Variants in COL7A1 observed in about 807,000 individuals in gnomAD.
The protein encoded by COL7A1 is collagen alpha-1(VII) chain.
A neutral mutation model predicts 456.2 loss-of-function variants in COL7A1; 296 were observed. That is an observed-to-expected ratio of 0.65 (90% CI 0.59 to 0.71). The LOEUF (loss-of-function observed/expected upper bound fraction) is 0.71. Among genes scored for constraint, COL7A1 ranks in the 30% least tolerant of loss-of-function variants. The pLI, the probability that COL7A1 is intolerant of heterozygous loss-of-function variation, is 0.00. For missense variants in COL7A1, 3,441 were observed against 4,017.2 expected, an observed-to-expected ratio of 0.86 and a Z score of 3.88; for synonymous variants, 1,464 against 1,525.9, an observed-to-expected ratio of 0.96 and a Z score of 0.95.
rs768825668 is a variant in COL7A1, at chr3:48,574,564, G to A, written c.6394-14C>T. On this transcript the variant is annotated splice_polypyrimidine_tract_variant and intron_variant, in intron 78 of 118. Coordinates refer to ENST00000681320, the MANE Select transcript of COL7A1 (RefSeq NM_000094.4). This position sits in a 1 kb window ranked among gnomAD's most constrained non-coding sequence, Gnocchi z 5.0. ...GCCTGGCACACCCTGAAGGCAGAGTGTCGTGCCCTGAGCCCCCAGTCCCTG... is the reference window on the plus strand; with the variant it reads ...GCCTGGCACACCCTGAAGGCAGAGTATCGTGCCCTGAGCCCCCAGTCCCTG... The A allele has an allele frequency of 3.7e-6, 6 of 1,613,768 alleles. No homozygotes were observed. The Admixed American group carries it at 6.7e-5, about 18-fold the overall frequency.
intron 67 of COL7A1, 44 bp downstream of exon 67, chr3:48,576,840 G>A (rs1389424065): frequency 1.2e-6 from 2 of 1,613,688 alleles, no homozygotes; most frequent in Non-Finnish European, 1.7e-6. Context: ...TTCCCCCAGG[G>A]TCAGGGTCAG....
chr3:48,592,843 T>A lies in COL7A1; in HGVS notation c.778A>T (p.Thr260Ser), dbSNP rs780970538. The A allele has an allele frequency of 6.2e-7, 1 of 1,613,914 alleles. No individual in the cohort carries two copies. Among genetic ancestry groups the A allele is most frequent in the Admixed American group, 1.7e-5 (1 of 60,026 alleles). ...VQWTAASGPV[T>S]GYKVQYTPLT... Reference sequence around the variant, plus strand: ...GGAGTGTACTGGACCTTGTAGCCAGTCACAGGGCCACTGGCCGCTGTCCAC... The same window carrying A: ...GGAGTGTACTGGACCTTGTAGCCAGACACAGGGCCACTGGCCGCTGTCCAC... Residue 260 changes from threonine (T) to serine (S), a missense_variant, in exon 7 of 119, where the codon ACT (threonine) becomes TCT (serine). Transcript: ENST00000681320. This position sits in a 1 kb window ranked among gnomAD's most constrained non-coding sequence, Gnocchi z 7.6.
At position 48,570,749 on chromosome 3, in the gene COL7A1, TG is replaced by T. The variant is rs2043862443; in HGVS notation, c.7273-40del. ...GGGGCAAGAGAGGCAGAGAGTGACTTGGGAACCCTCCTACCCTCTGCCCCCT... is the reference window on the plus strand; with the variant it reads ...GGGGCAAGAGAGGCAGAGAGTGACTTGGAACCCTCCTACCCTCTGCCCCCT... On this transcript the variant is annotated intron_variant, in intron 95 of 118. Transcript: ENST00000681320. The surrounding 1 kb of genome is among the most constrained non-coding windows in gnomAD (Gnocchi z 5.5). The T allele has an allele frequency of 1.3e-6, 2 of 1,559,100 alleles. No individual in the cohort carries two copies. The highest frequency in any genetic ancestry group is 1.9e-5 in the Admixed American group (1 of 52,350).
chr3:48,579,130 G>C lies in COL7A1; in HGVS notation c.5388+67C>G. On this transcript the variant is annotated intron_variant, in intron 62 of 118. Transcript: ENST00000681320. This position sits in a 1 kb window ranked among gnomAD's most constrained non-coding sequence, Gnocchi z 4.4. ...AAGGCCAAGACCAACCAATGAGGCT[G>C]GGGTCTAGGGTCCTCATGTGAAGGG... 1 of 1,578,700 alleles carries C rather than the reference G, an allele frequency of 6.3e-7. No homozygotes were observed. Among genetic ancestry groups the C allele is most frequent in the South Asian group, 1.1e-5 (1 of 90,242 alleles).
At position 48,584,503 on chromosome 3, in the gene COL7A1, T is replaced by C; in HGVS notation, c.4101A>G (p.Lys1367=). The C allele has an allele frequency of 6.2e-7, 1 of 1,614,024 alleles. No homozygotes were observed. Among genetic ancestry groups the C allele is most frequent in the South Asian group, 1.1e-5 (1 of 91,088 alleles). Reference sequence around the variant, plus strand: ...CACTTACCGATGGTCCAGGGTCCCCTTTCCGCCCAGGAAGCCCAGGTCCTT... The same window carrying C: ...CACTTACCGATGGTCCAGGGTCCCCCTTCCGCCCAGGAAGCCCAGGTCCTT... ...GGEGPGLPGR[K]GDPGPSGPPG... is the part of the protein sequence containing the mutation. The change falls in exon 36 of 119, where the codon AAA becomes AAG. Residue 1367 remains lysine, a synonymous_variant. Transcript: ENST00000681320.
At position 48,580,865 on chromosome 3, in the gene COL7A1, T is replaced by G; in HGVS notation, c.4980+17A>C. ...CACCTCCCATCACCCCTGTTACTTC[T>G]CTCTGCCAAGACTCACCCGAAGGCC... is the stretch of plus-strand genomic sequence containing the variant. On this transcript the variant is annotated intron_variant, in intron 54 of 118. Transcript: ENST00000681320. The surrounding 1 kb of genome is among the most constrained non-coding windows in gnomAD (Gnocchi z 4.5). The G allele has an allele frequency of 6.2e-7, 1 of 1,613,966 alleles. No individual in the cohort carries two copies. Among genetic ancestry groups the G allele is most frequent in the Non-Finnish European group, 8.5e-7 (1 of 1,180,006 alleles).
In COL7A1 at chr3:48,578,827, C is replaced by T; in HGVS notation, c.5424+92G>A. 6 of 1,374,800 alleles carry T rather than the reference C, an allele frequency of 4.4e-6. No individual in the cohort carries two copies. Among genetic ancestry groups the T allele is most frequent in the Non-Finnish European group, 4.0e-6 (4 of 1,011,392 alleles). The allele number at this position is 1,374,800 out of a possible 1,614,324, so 85.2% of individuals were successfully genotyped here. A position where few individuals can be genotyped will look rare whatever the true frequency, so the allele number is the denominator to read the frequency against. On this transcript the variant is annotated intron_variant, in intron 63 of 118. Coordinates refer to ENST00000681320, the MANE Select transcript of COL7A1 (RefSeq NM_000094.4). This position sits in a 1 kb window ranked among gnomAD's most constrained non-coding sequence, Gnocchi z 4.7. ...CAAAGGCAAGGCTGAACCGACCCCCCACCAACTCTCTCGGATGCTGTGACT... is the reference window on the plus strand; with the variant it reads ...CAAAGGCAAGGCTGAACCGACCCCCTACCAACTCTCTCGGATGCTGTGACT...
chr3:48,578,667 A>G lies in COL7A1; in HGVS notation c.5425-152T>C, dbSNP rs2107693077. ...TTGAGATCCCTCAGGCACAGACCCCATGGATGGGGGCCCCTGCTGAGACTC... is the reference window on the plus strand; with the variant it reads ...TTGAGATCCCTCAGGCACAGACCCCGTGGATGGGGGCCCCTGCTGAGACTC... On this transcript the variant is annotated intron_variant, in intron 63 of 118. Transcript: ENST00000681320. The surrounding 1 kb of genome is among the most constrained non-coding windows in gnomAD (Gnocchi z 4.7). 2.0e-6 allele frequency: 2 copies of G among 1,013,006 alleles called. No individual in the cohort carries two copies. The highest frequency in any genetic ancestry group is 3.0e-5 in the South Asian group (2 of 66,952). 62.8% of individuals were successfully genotyped at this position (1,013,006 alleles called of 1,614,324 possible). A position where few individuals can be genotyped will look rare whatever the true frequency, so the allele number is the denominator to read the frequency against.
Position 48,584,718 on chromosome 3 carries a change from T to G in COL7A1, c.4047+16A>C, listed in dbSNP as rs900508547. 6 of 1,613,844 alleles carry G rather than the reference T, an allele frequency of 3.7e-6. No homozygotes were observed. The highest frequency in any genetic ancestry group is 2.2e-5 in the East Asian group (1 of 44,878). ...CCCTGGGACATCCCGGCCGCCTCCCTTCCCCCTTCACCTACCGGCTCCCCC... is the reference window on the plus strand; with the variant it reads ...CCCTGGGACATCCCGGCCGCCTCCCGTCCCCCTTCACCTACCGGCTCCCCC... On this transcript the variant is annotated intron_variant, in intron 35 of 118. Transcript: ENST00000681320.
chr3:48,587,073 G>A lies in COL7A1; in HGVS notation c.3175C>T (p.Pro1059Ser). The change falls in exon 25 of 119, where the codon CCA becomes TCA. Residue 1059 changes from proline (P) to serine (S), a missense_variant. This residue lies in a region of COL7A1 where 444 missense variants were observed against 427.6 expected (regional missense o/e 1.04). Transcript: ENST00000681320. The surrounding 1 kb of genome is among the most constrained non-coding windows in gnomAD (Gnocchi z 6.1). ...PRGLADVVFL[P>S]HATQDNAHRA... ...TGAGCATTGTCTTGAGTGGCATGTG[G>A]TAGGAACACCACATCCGCCAGGCCA... is the stretch of plus-strand genomic sequence containing the variant. 6.2e-7 allele frequency: 1 copy of A among 1,611,470 alleles called. No homozygotes were observed. The highest frequency in any genetic ancestry group is 8.5e-7 in the Non-Finnish European group (1 of 1,178,936).
In COL7A1 at chr3:48,575,309, C is replaced by T. The variant is rs1460222873; in HGVS notation, c.6180+30G>A. The stretch of plus-strand genomic sequence containing the variant: ...TCCCACCCCTCCCAACCCCTCTTCC[C>T]TCACTCTCCTGGCCAGCCCCCAGCC... On this transcript the variant is annotated intron_variant, in intron 74 of 118. Transcript: ENST00000681320. This position sits in a 1 kb window ranked among gnomAD's most constrained non-coding sequence, Gnocchi z 6.3. 2 of 1,613,042 alleles carry T rather than the reference C, an allele frequency of 1.2e-6. No individual in the cohort carries two copies. The highest frequency in any genetic ancestry group is 1.7e-5 in the Admixed American group (1 of 60,018).
In COL7A1 at chr3:48,573,638, C is replaced by T; in HGVS notation, c.6573+52G>A. ...CCTGGCTCATCAGCTGTGGCCAATG[C>T]CTATCCCAGCCCTTCCAGACCCTCA... On this transcript the variant is annotated intron_variant, in intron 82 of 118. Transcript: ENST00000681320. The surrounding 1 kb of genome is among the most constrained non-coding windows in gnomAD (Gnocchi z 5.5). The T allele has an allele frequency of 6.2e-7, 1 of 1,612,992 alleles. No individual in the cohort carries two copies. Among genetic ancestry groups the T allele is most frequent in the African/African-American group, 1.3e-5 (1 of 75,008 alleles).
At position 48,567,088 on chromosome 3, in the gene COL7A1, A is replaced by ACC. The variant is rs745693541; in HGVS notation, c.8109+39_8109+40insGG. On this transcript the variant is annotated intron_variant, in intron 110 of 118. Coordinates refer to ENST00000681320, the MANE Select transcript of COL7A1 (RefSeq NM_000094.4). This position sits in a 1 kb window ranked among gnomAD's most constrained non-coding sequence, Gnocchi z 4.3. ...AGAGATGGACCCTCTCCCAAAGTGCACGCTCCCCTCAATTCACCATGACCA... is the reference window on the plus strand; with the variant it reads ...AGAGATGGACCCTCTCCCAAAGTGCACCCGCTCCCCTCAATTCACCATGACCA... The ACC allele has an allele frequency of 6.2e-7, 1 of 1,613,050 alleles. No homozygotes were observed. The highest frequency in any genetic ancestry group is 2.2e-5 in the East Asian group (1 of 44,752).
chr3:48,566,928 G>A lies in COL7A1; in HGVS notation c.8205C>T (p.Pro2735=), dbSNP rs535006469. ...TTACCTTCTGGCCCTGAAGTCCTTC[G>A]GGGCCTCTGGGACCAACACTGCCAG... ...GPPGSVGPRG[P]EGLQGQKGER... The change falls in exon 111 of 119, where the codon CCC becomes CCT. Residue 2735 remains proline (P), a synonymous_variant. Coordinates refer to ENST00000681320, the MANE Select transcript of COL7A1 (RefSeq NM_000094.4). The surrounding 1 kb of genome is among the most constrained non-coding windows in gnomAD (Gnocchi z 5.9). 3.6e-5 allele frequency: 58 copies of A among 1,607,578 alleles called. No individual in the cohort carries two copies. In the South Asian group the frequency reaches 3.6e-4, roughly 10 times the overall value.
intron 44 of COL7A1, 111 bp downstream of exon 44, chr3:48,582,902 T>C: frequency 6.7e-7 from 1 of 1,497,964 alleles, no homozygotes; most frequent in Admixed American, 1.7e-5. Flanking sequence ...GGATAAGTGG[T>C]CATTGAGGAG....
Position 48,583,871 on chromosome 3 carries a change from G to A in COL7A1, c.4278+29C>T. 5.0e-6 allele frequency: 8 copies of A among 1,613,702 alleles called. No individual in the cohort carries two copies. The highest frequency in any genetic ancestry group is 6.8e-6 in the Non-Finnish European group (8 of 1,179,826). ...GGAGAGACCCACACCCCTGAGCAGG[G>A]CCCCCAGCAGAGCCTCAAGGCCCCT... On this transcript the variant is annotated intron_variant, in intron 39 of 118. Coordinates refer to ENST00000681320, the MANE Select transcript of COL7A1 (RefSeq NM_000094.4). This position sits in a 1 kb window ranked among gnomAD's most constrained non-coding sequence, Gnocchi z 5.1.
rs1444611002 is a variant in COL7A1, at chr3:48,590,982, C to T, written c.1637-166G>A. ...ATGGCTGAAAAAAGTGAGTGCAAGA[C>T]AAGGACATAGGATGAAAGGGGCCAG... On this transcript the variant is annotated intron_variant, in intron 13 of 118. Coordinates refer to ENST00000681320, the MANE Select transcript of COL7A1 (RefSeq NM_000094.4). This position sits in a 1 kb window ranked among gnomAD's most constrained non-coding sequence, Gnocchi z 4.6. 1.3e-5 allele frequency among the ~76,000 whole-genome samples: 2 copies of T among 151,986 alleles called. No individual in the cohort carries two copies. The highest frequency in any genetic ancestry group is 1.3e-4 in the Admixed American group (2 of 15,262).
chr3:48,583,977 G>A lies in COL7A1; in HGVS notation c.4225-24C>T, dbSNP rs2045000177. 3 of 1,614,010 alleles carry A rather than the reference G, an allele frequency of 1.9e-6. No individual in the cohort carries two copies. The East Asian group carries it at 6.7e-5, about 36-fold the overall frequency. On this transcript the variant is annotated intron_variant, in intron 38 of 118. Transcript: ENST00000681320. This position sits in a 1 kb window ranked among gnomAD's most constrained non-coding sequence, Gnocchi z 5.1. ...CCCTGGGAGAGAACAGCAGGTCAGG[G>A]AATGAACAGGGGAATCAGACTCCAA...
Position 48,566,044 on chromosome 3 carries a change from A to T in COL7A1, c.8407+223T>A, listed in dbSNP as rs1179771111. 6.6e-6 allele frequency among the ~76,000 whole-genome samples: 1 copy of T among 152,054 alleles called. No individual in the cohort carries two copies. The highest frequency in any genetic ancestry group is 1.5e-5 in the Non-Finnish European group (1 of 68,008). The stretch of plus-strand genomic sequence containing the variant: ...CATCATCCCACTCCCCACACAGCCA[A>T]GCTGGACATCTGAGAGCACTGCATG... On this transcript the variant is annotated intron_variant, in intron 114 of 118. Transcript: ENST00000681320. This position sits in a 1 kb window ranked among gnomAD's most constrained non-coding sequence, Gnocchi z 5.9.
Sources: allele counts gnomAD v4.1 joint callset (sites outside exome capture counted in the v4.1 genomes callset), GRCh38; gene constraint gnomAD v4.1.1; regional missense constraint gnomAD v4.1.1; non-coding constraint Gnocchi (gnomAD v3.1); transcripts MANE v1.5; gene names NCBI Gene and HGNC (gene_info 2026-07-23, HGNC 2026-07-21).